Variants in TMEM114 observed in about 807,000 individuals in gnomAD.
TMEM114 encodes transmembrane protein 114.
Under a neutral mutation model 6.2 loss-of-function variants are expected in TMEM114, and 6 were observed. The observed-to-expected ratio is 0.97, with a 90% CI of 0.53 to 1.91. The LOEUF (loss-of-function observed/expected upper bound fraction) is 1.91, where lower values mean the gene tolerates loss of function less well. Ranked by LOEUF, TMEM114 falls within the 40% of genes most tolerant of loss-of-function variation. The pLI is 0.01. For missense variants in TMEM114, 218 were observed against 158.3 expected, an observed-to-expected ratio of 1.38 and a Z score of -2.02; for synonymous variants, 104 against 73.0, an observed-to-expected ratio of 1.42 and a Z score of -2.16.
intron 2 of TMEM114, among the ~76,000 whole-genome samples, chr16:8,557,988 T>G (rs772011708): frequency 1.3e-5 from 2 of 152,224 alleles, no homozygotes; most frequent in South Asian, 4.1e-4. Flanking sequence ...GTGCAGTGGC[T>G]CACACCTGTA....
chr16:8,532,682 T>A (rs1056050125), downstream of TMEM114, among the ~76,000 whole-genome samples: 4 of 152,136 alleles, frequency 2.6e-5, no homozygotes, highest in Admixed American at 1.3e-4. Flanking sequence ...CCCAGCACTT[T>A]GGGAGGCCGA....
At chr16:8,535,475 G>A (rs576968247), downstream of TMEM114, among the ~76,000 whole-genome samples, 4 of 152,044 alleles carry the variant, frequency 2.6e-5, no homozygotes, top group South Asian at 2.1e-4. Flanking sequence ...GAAACATAAT[G>A]AATAATTGCA....
Position 8,590,346 on chromosome 16 carries a change from T to C in TMEM114, c.-508A>G, listed in dbSNP as rs1902443861. On this transcript the variant is annotated 5_prime_UTR_variant, in exon 1 of 4. Coordinates refer to ENST00000620492, the MANE Select transcript of TMEM114 (RefSeq NM_001146336.2). ...CTCCCCACGATCCCAGATGCTCCCC[T>C]CTCTGCCTCTGTCTCTGGATTTCCG... 6.6e-6 allele frequency among the ~76,000 whole-genome samples: 1 copy of C among 152,136 alleles called. No homozygotes were observed. The highest frequency in any genetic ancestry group is 6.5e-5 in the Admixed American group (1 of 15,298).
the TMEM114 span, among the ~76,000 whole-genome samples, chr16:8,530,740 G>C: frequency 1.3e-5 from 2 of 151,966 alleles, no homozygotes; most frequent in African/African-American, 4.8e-5. Context: ...AAAAGAAGGA[G>C]GGGCCGGGCA....
At chr16:8,586,401 A>G (rs748067792) in intron 2 of TMEM114, among the ~76,000 whole-genome samples, 2 of 152,162 alleles carry the variant, frequency 1.3e-5, no homozygotes, top group African/African-American at 2.4e-5. Context: ...AGGCTCAGAG[A>G]GGTTAAGACA....
intron 2 of TMEM114, among the ~76,000 whole-genome samples, chr16:8,581,375 T>C (rs1288226339): frequency 7.9e-5 from 12 of 152,226 alleles, no homozygotes; most frequent in Non-Finnish European, 1.3e-4. Flanking sequence ...GCAGTGAGGC[T>C]ATACAGACCT....
chr16:8,542,336 G>A (rs967209017), intron 2 of TMEM114, among the ~76,000 whole-genome samples: 1 of 152,138 alleles, frequency 6.6e-6, no homozygotes, highest in Non-Finnish European at 1.5e-5. Context: ...CCTCTGGGTA[G>A]CAGTAAACCA....
At chr16:8,532,572 C>T in the TMEM114 span, among the ~76,000 whole-genome samples, 1 of 152,178 alleles carries the variant, frequency 6.6e-6, no homozygotes, top group African/African-American at 2.4e-5. Context: ...CGACGTGTCT[C>T]ATTTAGTGCT....
downstream of TMEM114, among the ~76,000 whole-genome samples, chr16:8,567,945 C>G (rs1014902759): frequency 6.6e-6 from 1 of 152,186 alleles, no homozygotes; most frequent in Non-Finnish European, 1.5e-5. Flanking sequence ...GTGAGTAACC[C>G]ACTCCTTTTG....
intron 2 of TMEM114, among the ~76,000 whole-genome samples, chr16:8,583,752 A>T (rs1902227978): frequency 6.6e-6 from 1 of 152,050 alleles, no homozygotes; most frequent in Non-Finnish European, 1.5e-5. Flanking sequence ...TGTCTCAAAA[A>T]AAAAAAAAGT....
intron 2 of TMEM114, among the ~76,000 whole-genome samples, chr16:8,556,188 A>G (rs1002301574): frequency 6.6e-6 from 1 of 152,108 alleles, no homozygotes; most frequent in East Asian, 1.9e-4. Context: ...CCTTCCCGCC[A>G]GCTCTGCCCA....
At chr16:8,577,570 T>C (rs563521218) in intron 2 of TMEM114, among the ~76,000 whole-genome samples, 3 of 151,826 alleles carry the variant, frequency 2.0e-5, no homozygotes, top group African/African-American at 7.3e-5. Flanking sequence ...TTTTCTTTTT[T>C]GATTTTGTTT....
rs142515595 is a variant in TMEM114 at position 8,572,079 on chromosome 16, G to A, written c.439+8C>T. On this transcript the variant is annotated splice_region_variant and intron_variant, in intron 3 of 3. Transcript: ENST00000620492. ...CAAGCCAGAGCCCTAGGCAGGGTGG[G>A]CACCTACCTCCAAAGAGGAAGAGAA... is the stretch of plus-strand genomic sequence containing the variant. 2.0e-4 allele frequency: 310 copies of A among 1,537,520 alleles called. 2 individuals are homozygous for A. In the African/African-American group the frequency reaches 3.8e-3, roughly 19 times the overall value.
At chr16:8,560,957 C>T (rs537914427) in intron 2 of TMEM114, among the ~76,000 whole-genome samples, 16 of 152,306 alleles carry the variant, frequency 1.1e-4, no homozygotes, top group African/African-American at 3.1e-4. Flanking sequence ...GCAAAAGACA[C>T]GTCTTATATC....
intron 2 of TMEM114, among the ~76,000 whole-genome samples, chr16:8,580,494 G>GT (rs1327585415): frequency 7.1e-6 from 1 of 140,662 alleles, no homozygotes; most frequent in Non-Finnish European, 1.5e-5. Context: ...CTCAAAAGAG[G>GT]TAAAAAAAAA....
chr16:8,568,229 A>G (rs1234091469), downstream of TMEM114, among the ~76,000 whole-genome samples: 1 of 152,028 alleles, frequency 6.6e-6, no homozygotes, highest in Admixed American at 6.6e-5. Flanking sequence ...TCTCTCCTCA[A>G]TCATGTGGCA....
chr16:8,582,290 T>C (rs1322017447), intron 2 of TMEM114, among the ~76,000 whole-genome samples: 1 of 149,706 alleles, frequency 6.7e-6, no homozygotes, highest in African/African-American at 2.5e-5. Context: ...AGGTAAGACA[T>C]AGAAAAAAAA....
intron 2 of TMEM114, among the ~76,000 whole-genome samples, chr16:8,542,285 T>C (rs1479651436): frequency 6.6e-6 from 1 of 152,208 alleles, no homozygotes; most frequent in East Asian, 1.9e-4. Context: ...TGAAGTGTTC[T>C]TTTCCCTGTT....
intron 2 of TMEM114, among the ~76,000 whole-genome samples, chr16:8,554,898 C>A (rs952207646): frequency 6.6e-6 from 1 of 152,206 alleles, no homozygotes; most frequent in Non-Finnish European, 1.5e-5. Flanking sequence ...CGTACCACAG[C>A]TGGGTGTTCA....
Sources: allele counts gnomAD v4.1 joint callset (sites outside exome capture counted in the v4.1 genomes callset), GRCh38; gene constraint gnomAD v4.1.1; transcripts MANE v1.5; gene names NCBI Gene and HGNC (gene_info 2026-07-23, HGNC 2026-07-21).